Variants in GALNT18 observed in about 807,000 individuals in gnomAD.
GALNT18 encodes polypeptide N-acetylgalactosaminyltransferase 18, also known as GalNAc-transferase 18.
GALNT18 carries 44 observed loss-of-function variants against 69.5 expected under a neutral mutation model. That is an observed-to-expected ratio of 0.63 (90% CI 0.50 to 0.81). The LOEUF (loss-of-function observed/expected upper bound fraction) is 0.81, where lower values mean the gene tolerates loss of function less well. Among genes scored for constraint, GALNT18 ranks in the 40% least tolerant of loss-of-function variants. The pLI is 0.00. For missense variants in GALNT18, 715 were observed against 810.0 expected, an observed-to-expected ratio of 0.88 and a Z score of 1.42; for synonymous variants, 364 against 318.2, an observed-to-expected ratio of 1.14 and a Z score of -1.53.
intron 9 of GALNT18, among the ~76,000 whole-genome samples, chr11:11,323,684 G>A (rs1415789328): frequency 6.6e-6 from 1 of 152,210 alleles, no homozygotes; most frequent in Non-Finnish European, 1.5e-5. Context: ...CAGCCAAATA[G>A]CTCTATGGTC....
intron 9 of GALNT18, among the ~76,000 whole-genome samples, chr11:11,325,927 G>C (rs561711618): frequency 2.0e-5 from 3 of 151,570 alleles, no homozygotes; most frequent in African/African-American, 7.3e-5. Context: ...TTCACACACA[G>C]AGTGACATAC....
intron 1 of GALNT18, among the ~76,000 whole-genome samples, chr11:11,529,339 C>G (rs1857588793): frequency 1.3e-5 from 2 of 152,162 alleles, no homozygotes. Flanking sequence ...CTGAATAGAA[C>G]AAAAGGCTGA....
chr11:11,334,592 C>A (rs1369756368), intron 7 of GALNT18, among the ~76,000 whole-genome samples: 1 of 151,978 alleles, frequency 6.6e-6, no homozygotes, highest in Non-Finnish European at 1.5e-5. Flanking sequence ...GAGATAGATT[C>A]CTTTTTGCCC....
chr11:11,585,952 GA>G (rs1377182938), intron 1 of GALNT18, among the ~76,000 whole-genome samples: 1 of 152,038 alleles, frequency 6.6e-6, no homozygotes. Context: ...CATGAGGGTA[GA>G]GCCCTCATGG....
At chr11:11,302,646 G>A (rs1437458416) in intron 9 of GALNT18, among the ~76,000 whole-genome samples, 1 of 152,220 alleles carries the variant, frequency 6.6e-6, no homozygotes, top group Non-Finnish European at 1.5e-5. Flanking sequence ...AGGGTGGTAG[G>A]CCAGGCCTCA....
intron 9 of GALNT18, among the ~76,000 whole-genome samples, chr11:11,303,537 T>C (rs10765831): frequency 0.5 from 75,626 of 151,568 alleles, 18,902 homozygotes; most frequent in Middle Eastern, 0.57. Context: ...TATGTCCAGG[T>C]CCTCAGCACT....
chr11:11,300,941 G>T (rs368129384), intron 9 of GALNT18, among the ~76,000 whole-genome samples: 1 of 152,168 alleles, frequency 6.6e-6, no homozygotes, highest in East Asian at 1.9e-4. Context: ...AAATGTTGGC[G>T]CAACACACAC....
chr11:11,608,462 C>A (rs1374714494), intron 1 of GALNT18, among the ~76,000 whole-genome samples: 1 of 152,030 alleles, frequency 6.6e-6, no homozygotes, highest in South Asian at 2.1e-4. Flanking sequence ...CAGGTTCAAG[C>A]AATTCTCCTG....
chr11:11,342,428 T>A (rs1463728060), intron 6 of GALNT18, among the ~76,000 whole-genome samples: 1 of 152,190 alleles, frequency 6.6e-6, no homozygotes, highest in Non-Finnish European at 1.5e-5. Context: ...ATATAACATG[T>A]ACCCATCAAC....
At chr11:11,556,897 T>C (rs75335423) in intron 1 of GALNT18, among the ~76,000 whole-genome samples, 1,771 of 152,278 alleles carry the variant, frequency 0.012, 28 homozygotes, top group African/African-American at 0.041. Flanking sequence ...TACTAGAAAA[T>C]CCATTTTTCT....
intron 10 of GALNT18, among the ~76,000 whole-genome samples, chr11:11,283,644 G>C (rs563826549): frequency 3.0e-4 from 45 of 152,314 alleles, no homozygotes; most frequent in South Asian, 1.7e-3. Context: ...TTCGTGCAGA[G>C]ACCTGGGCTG....
chr11:11,308,216 C>T (rs992489429), intron 9 of GALNT18, among the ~76,000 whole-genome samples: 11 of 152,294 alleles, frequency 7.2e-5, no homozygotes, highest in African/African-American at 2.2e-4. Flanking sequence ...GGAAGAACCT[C>T]GCCGTGTAAG....
rs1001730288 is a variant in GALNT18 at position 11,448,667 on chromosome 11, G to C, written c.428+77C>G. ...CCCAAGAATCCAGGCGCCCAGTCCTGCTCTGTTCCCAGCACTCTGGGGACC... is the reference window on the plus strand; with the variant it reads ...CCCAAGAATCCAGGCGCCCAGTCCTCCTCTGTTCCCAGCACTCTGGGGACC... On this transcript the variant is annotated intron_variant, in intron 2 of 10. Transcript: ENST00000227756. 36 of 1,297,360 alleles carry C rather than the reference G, an allele frequency of 2.8e-5. No individual in the cohort carries two copies. In the South Asian group the frequency reaches 4.4e-4, roughly 16 times the overall value. 80.4% of individuals were successfully genotyped at this position (1,297,360 alleles called of 1,614,324 possible). A position where few individuals can be genotyped will look rare whatever the true frequency, so the allele number is the denominator to read the frequency against.
In GALNT18 at chr11:11,347,165, G is replaced by T. The variant is rs1259325771; in HGVS notation, c.1093-6161C>A. ...CCCCCAGCTGCCAAATGGGGGAGCTGGACTCAATGTTGTCTTAGGTCCCCT... is the reference window on the plus strand; with the variant it reads ...CCCCCAGCTGCCAAATGGGGGAGCTTGACTCAATGTTGTCTTAGGTCCCCT... On this transcript the variant is annotated intron_variant, in intron 6 of 10. Transcript: ENST00000227756. The surrounding 1 kb of genome is among the most constrained non-coding windows in gnomAD (Gnocchi z 4.0). Among the ~76,000 whole-genome samples, 1 of 152,144 alleles carries T rather than the reference G, an allele frequency of 6.6e-6. No individual in the cohort carries two copies. The highest frequency in any genetic ancestry group is 1.5e-5 in the Non-Finnish European group (1 of 68,030).
chr11:11,329,553 C>T (rs895992659), intron 8 of GALNT18, among the ~76,000 whole-genome samples: 4 of 152,178 alleles, frequency 2.6e-5, no homozygotes, highest in Non-Finnish European at 2.9e-5. Flanking sequence ...AAGCCTTTCC[C>T]GACCCAAGTC....
At position 11,270,898 on chromosome 11, in the gene GALNT18, G is replaced by T; in HGVS notation, c.*246C>A. ...ACCCTTTTCTTAATAATATTTTATTGTCAGTTATAAATATTTTCCATCTGT... is the reference window on the plus strand; with the variant it reads ...ACCCTTTTCTTAATAATATTTTATTTTCAGTTATAAATATTTTCCATCTGT... On this transcript the variant is annotated 3_prime_UTR_variant, in exon 11 of 11. Coordinates refer to ENST00000227756, the MANE Select transcript of GALNT18 (RefSeq NM_198516.3). The T allele has an allele frequency of 2.6e-6, 1 of 382,180 alleles. No homozygotes were observed. Among genetic ancestry groups the T allele is most frequent in the Non-Finnish European group, 4.7e-6 (1 of 212,538 alleles). The allele number at this position is 382,180 out of a possible 1,614,324, so 23.7% of individuals were successfully genotyped here.
In GALNT18 at chr11:11,547,150, A is replaced by C. The variant is rs185309923; in HGVS notation, c.235+74209T>G. Among the ~76,000 whole-genome samples, 10 of 152,322 alleles carry C rather than the reference A, an allele frequency of 6.6e-5. No homozygotes were observed. In the East Asian group the frequency reaches 1.9e-3, roughly 29 times the overall value. ...CCTTGTGCATACACATAGTAGGTGCACAACAAATGACAGCCACTGCTGTTG... is the reference window on the plus strand; with the variant it reads ...CCTTGTGCATACACATAGTAGGTGCCCAACAAATGACAGCCACTGCTGTTG... On this transcript the variant is annotated intron_variant, in intron 1 of 10. Transcript: ENST00000227756.
chr11:11,310,921 C>T (rs1849661243), intron 9 of GALNT18, among the ~76,000 whole-genome samples: 1 of 152,188 alleles, frequency 6.6e-6, no homozygotes, highest in Non-Finnish European at 1.5e-5. Flanking sequence ...CCTTAAGTTG[C>T]CCTGATATAA....
chr11:11,319,990 G>A (rs756133285), intron 9 of GALNT18, among the ~76,000 whole-genome samples: 23 of 152,072 alleles, frequency 1.5e-4, no homozygotes, highest in Non-Finnish European at 2.4e-4. Context: ...ACTCCACAAA[G>A]TTAGTACTAC....
Sources: allele counts gnomAD v4.1 joint callset (sites outside exome capture counted in the v4.1 genomes callset), GRCh38; gene constraint gnomAD v4.1.1; non-coding constraint Gnocchi (gnomAD v3.1); transcripts MANE v1.5; gene names NCBI Gene and HGNC (gene_info 2026-07-23, HGNC 2026-07-21).